KPNA6: variants seen among roughly 807,000 people sequenced by gnomAD.
KPNA6 encodes the protein karyopherin subunit alpha 6.
In KPNA6, 9 loss-of-function variants were observed where a neutral mutation model predicts 72.0. The ratio of observed to expected loss-of-function variants is 0.13; its 90% CI spans 0.08 to 0.22. The LOEUF is 0.22. Among genes scored for constraint, KPNA6 ranks in the 10% least tolerant of loss-of-function variants. The pLI, the probability that KPNA6 is intolerant of heterozygous loss-of-function variation, is 1.00. For synonymous variants in KPNA6, 219 were observed against 242.1 expected (o/e 0.90, Z 0.89); for missense variants, 374 against 655.7 (o/e 0.57, Z 4.69).
At chr1:32,120,558 TTTAA>T (rs1030966317) in intron 1 of KPNA6, among the ~76,000 whole-genome samples, 28 of 151,862 alleles carry the variant, frequency 1.8e-4, no homozygotes, top group South Asian at 4.2e-4. Flanking sequence ...AATTAATTTT[TTTAA>T]TTAATTAATT....
At chr1:32,134,613 G>A (rs1397329751) in intron 1 of KPNA6, among the ~76,000 whole-genome samples, 5 of 151,020 alleles carry the variant, frequency 3.3e-5, no homozygotes, top group South Asian at 2.1e-4. Context: ...ACTCAAACCT[G>A]GGCAACAGAG....
chr1:32,142,451 T>C (rs768495155), intron 1 of KPNA6, among the ~76,000 whole-genome samples: 39 of 152,126 alleles, frequency 2.6e-4, no homozygotes, highest in Non-Finnish European at 4.0e-4. Context: ...GACTCTATCT[T>C]CAAATATAGA....
intron 1 of KPNA6, among the ~76,000 whole-genome samples, chr1:32,136,251 A>G (rs899845566): frequency 3.4e-5 from 5 of 148,516 alleles, no homozygotes; most frequent in African/African-American, 1.3e-4. Flanking sequence ...ATCTTGGCTC[A>G]CTGAAACCTC....
rs1416995192 is a variant in KPNA6 at position 32,108,078 on chromosome 1, G to A, written c.-53G>A. 6 of 1,613,484 alleles carry A rather than the reference G, an allele frequency of 3.7e-6. No individual in the cohort carries two copies. The Admixed American group carries it at 6.7e-5, about 18-fold the overall frequency. ...GCCATATTGTCTACTGAAAGCTGCC[G>A]CTGAAGCTGCCGCCGTTGCCTCCGC... On this transcript the variant is annotated 5_prime_UTR_variant, in exon 1 of 14. Coordinates refer to ENST00000373625, the MANE Select transcript of KPNA6 (RefSeq NM_012316.5).
chr1:32,153,571 C>CAA (rs554895996), intron 1 of KPNA6, among the ~76,000 whole-genome samples: 1,990 of 60,382 alleles, frequency 0.033, 80 homozygotes, highest in African/African-American at 0.11. Flanking sequence ...AACTCTGTCT[C>CAA]AAAAAAAAAA....
chr1:32,136,515 A>G (rs1641738671), intron 1 of KPNA6, among the ~76,000 whole-genome samples: 1 of 152,140 alleles, frequency 6.6e-6, no homozygotes, highest in Non-Finnish European at 1.5e-5. Context: ...AATGGGACTC[A>G]TGTAAGTTAG....
rs1400285575 is a variant in KPNA6, at chr1:32,175,802, AAATC to A, written c.*4909_*4912del. 1 of 148,756 alleles carries A rather than the reference AAATC, an allele frequency of 6.7e-6. No individual in the cohort carries two copies. The highest frequency in any genetic ancestry group is 1.5e-5 in the Non-Finnish European group (1 of 67,514). 9.2% of individuals were successfully genotyped at this position (148,756 alleles called of 1,614,324 possible). A position where few individuals can be genotyped will look rare whatever the true frequency, so the allele number is the denominator to read the frequency against. ...CATCTCAAAAAAAAAAAAAAAAAAAAAATCCACATCTTCAGCTGGGCGCGGTGGC... is the reference window on the plus strand; with the variant it reads ...CATCTCAAAAAAAAAAAAAAAAAAAACACATCTTCAGCTGGGCGCGGTGGC... On this transcript the variant is annotated 3_prime_UTR_variant, in exon 14 of 14. Coordinates refer to ENST00000373625, the MANE Select transcript of KPNA6 (RefSeq NM_012316.5).
intron 1 of KPNA6, among the ~76,000 whole-genome samples, chr1:32,149,658 G>A (rs1050017583): frequency 6.6e-5 from 10 of 152,032 alleles, no homozygotes; most frequent in Non-Finnish European, 1.5e-4. Flanking sequence ...GCCATATCTA[G>A]TGTTTTTCAT....
intron 9 of KPNA6, 96 bp from the exon 10 acceptor site, chr1:32,163,139 G>T: frequency 1.3e-6 from 1 of 769,280 alleles, no homozygotes; most frequent in Non-Finnish European, 2.3e-6. Context: ...AAGGGTACAG[G>T]TTCCTTAAGC....
intron 1 of KPNA6, among the ~76,000 whole-genome samples, chr1:32,152,338 GAATA>G (rs371755185): frequency 2.2e-4 from 33 of 151,666 alleles, no homozygotes; most frequent in African/African-American, 7.0e-4. Flanking sequence ...AAAAAATAAT[GAATA>G]AATAAAGAAC....
chr1:32,128,668 A>C (rs1298418586), intron 1 of KPNA6, among the ~76,000 whole-genome samples: 1 of 151,898 alleles, frequency 6.6e-6, no homozygotes, highest in East Asian at 1.9e-4. Context: ...TGTCCAGTAG[A>C]AGAAGAGCCT....
In KPNA6 at chr1:32,171,153, G is replaced by A; in HGVS notation, c.*259G>A. 2.2e-6 allele frequency: 1 copy of A among 460,366 alleles called. No individual in the cohort carries two copies. Among genetic ancestry groups the A allele is most frequent in the Non-Finnish European group, 3.9e-6 (1 of 256,052 alleles). The allele number at this position is 460,366 out of a possible 1,614,324, so 28.5% of individuals were successfully genotyped here. A position where few individuals can be genotyped will look rare whatever the true frequency, so the allele number is the denominator to read the frequency against. ...TTTTTCTTCCTTACACTATATTTTGGCTGCACACATGTCTTTAACCCAGGA... is the reference window on the plus strand; with the variant it reads ...TTTTTCTTCCTTACACTATATTTTGACTGCACACATGTCTTTAACCCAGGA... On this transcript the variant is annotated 3_prime_UTR_variant, in exon 14 of 14. Coordinates refer to ENST00000373625, the MANE Select transcript of KPNA6 (RefSeq NM_012316.5).
At chr1:32,152,461 A>G (rs1205654885) in intron 1 of KPNA6, among the ~76,000 whole-genome samples, 1 of 152,242 alleles carries the variant, frequency 6.6e-6, no homozygotes, top group Non-Finnish European at 1.5e-5. Flanking sequence ...TGTAAATTGA[A>G]TAAATCAAAA....
In KPNA6 at chr1:32,165,072, G is replaced by T. The variant is rs956609625; in HGVS notation, c.991-1033G>T. The stretch of plus-strand genomic sequence containing the variant: ...CACCATCATGCCTAGCTAATTTTTT[G>T]AATTTGTTTTTTTTTGGAGAGACAG... On this transcript the variant is annotated intron_variant, in intron 10 of 13. Transcript: ENST00000373625. Among the ~76,000 whole-genome samples the T allele has an allele frequency of 2.6e-5, 4 of 151,580 alleles. No homozygotes were observed. The East Asian group carries it at 5.8e-4, about 22-fold the overall frequency.
In KPNA6 at chr1:32,129,115, CCTCT is replaced by C. The variant is rs369152517; in HGVS notation, c.4+20991_4+20994del. On this transcript the variant is annotated intron_variant, in intron 1 of 13. Coordinates refer to ENST00000373625, the MANE Select transcript of KPNA6 (RefSeq NM_012316.5). ...TCTGTCAATACTAGATATTTCCCTCCCTCTCTCTCTCTCCCTCCCTCCCTTCCTT... is the reference window on the plus strand; with the variant it reads ...TCTGTCAATACTAGATATTTCCCTCCCTCTCTCTCCCTCCCTCCCTTCCTT... Among the ~76,000 whole-genome samples the C allele has an allele frequency of 9.9e-5, 15 of 150,950 alleles. 1 individual carries two copies. Among genetic ancestry groups the C allele is most frequent in the East Asian group, 5.8e-4 (3 of 5,136 alleles).
intron 1 of KPNA6, among the ~76,000 whole-genome samples, chr1:32,109,463 C>T (rs1641205230): frequency 6.6e-6 from 1 of 151,786 alleles, no homozygotes; most frequent in Non-Finnish European, 1.5e-5. Flanking sequence ...TGAGCCACTG[C>T]GTCCAGCCTG....
intron 1 of KPNA6, among the ~76,000 whole-genome samples, chr1:32,146,017 G>C (rs1180850762): frequency 6.6e-6 from 1 of 152,170 alleles, no homozygotes; most frequent in African/African-American, 2.4e-5. Context: ...GACACTTTTA[G>C]TGGGCTAACA....
intron 1 of KPNA6, among the ~76,000 whole-genome samples, chr1:32,138,543 CAAAAAAAAAA>C (rs563911504): frequency 2.0e-5 from 1 of 48,940 alleles, no homozygotes; most frequent in African/African-American, 6.0e-5. Context: ...AACTCCATCT[CAAAAAAAAAA>C]AAAAAAAAAA....
At chr1:32,124,884 G>A (rs572519594) in intron 1 of KPNA6, among the ~76,000 whole-genome samples, 9 of 151,772 alleles carry the variant, frequency 5.9e-5, no homozygotes, top group Admixed American at 2.0e-4. Context: ...TCACTCTGTC[G>A]CCCAGGCTGC....
Sources: gnomAD v4.1 joint callset for allele counts (sites outside exome capture counted in the v4.1 genomes callset) on GRCh38, gnomAD v4.1.1 for gene constraint, MANE v1.5 for transcripts, NCBI Gene and HGNC (gene_info 2026-07-23, HGNC 2026-07-21) for gene names.